The following C16orf96 variants were observed in gnomAD, a reference collection of about 807,000 sequenced individuals.
C16orf96 encodes uncharacterized protein C16orf96.
Under a neutral mutation model 103.6 loss-of-function variants are expected in C16orf96, and 108 were observed. That is an observed-to-expected ratio of 1.04 (90% CI 0.89 to 1.22). The LOEUF (loss-of-function observed/expected upper bound fraction) is 1.22, where lower values mean the gene tolerates loss of function less well. C16orf96 is among the 50% of genes most tolerant of loss of function. C16orf96 has a pLI of 0.00. For missense variants in C16orf96, 1,586 were observed against 1,464.2 expected (o/e 1.08, Z -1.36); for synonymous variants, 566 against 593.5 (o/e 0.95, Z 0.67).
At chr16:4,545,309 T>G in the C16orf96 span, among the ~76,000 whole-genome samples, 1 of 152,024 alleles carries the variant, frequency 6.6e-6, no homozygotes, top group Non-Finnish European at 1.5e-5. Flanking sequence ...TGAGCTCAAG[T>G]GATCCTCCTG....
rs1349940998 is a variant in C16orf96, at chr16:4,592,471, C to G, written c.2774+104C>G. ...GCACCGTTCCATGCACGCTGTGTGT[C>G]TACACATCCATATACAGCATTCTCT... On this transcript the variant is annotated intron_variant, in intron 11 of 15. Coordinates refer to ENST00000444310, the MANE Select transcript of C16orf96 (RefSeq NM_001145011.2). 6.1e-6 allele frequency: 8 copies of G among 1,304,026 alleles called. No homozygotes were observed. The East Asian group carries it at 2.0e-4, about 33-fold the overall frequency. The allele number at this position is 1,304,026 out of a possible 1,614,324, so 80.8% of individuals were successfully genotyped here.
chr16:4,545,306 A>G, the C16orf96 span, among the ~76,000 whole-genome samples: 184 of 152,288 alleles, frequency 1.2e-3, no homozygotes, highest in African/African-American at 4.3e-3. Context: ...TCCTGAGCTC[A>G]AGTGATCCTC....
intron 1 of C16orf96, among the ~76,000 whole-genome samples, chr16:4,565,216 A>G (rs1290656090): frequency 6.6e-6 from 1 of 152,164 alleles, no homozygotes; most frequent in Non-Finnish European, 1.5e-5. Flanking sequence ...CTCGAGGACT[A>G]TGGCATGGGT....
the C16orf96 span, among the ~76,000 whole-genome samples, chr16:4,545,873 A>G: frequency 2.0e-5 from 3 of 151,918 alleles, no homozygotes; most frequent in Non-Finnish European, 2.9e-5. Context: ...TTTTTGAGAC[A>G]GAATCTCGCT....
chr16:4,596,718 A>C (rs889789512), intron 14 of C16orf96, among the ~76,000 whole-genome samples: 8 of 151,946 alleles, frequency 5.3e-5, no homozygotes, highest in African/African-American at 1.9e-4. Flanking sequence ...ACAGAACAGA[A>C]CAAAACCAAA....
intron 14 of C16orf96, 74 bp from the exon 15 acceptor site, chr16:4,599,210 C>A: frequency 7.6e-7 from 1 of 1,321,730 alleles, no homozygotes; most frequent in Non-Finnish European, 1.1e-6. Context: ...GGAGACTGCC[C>A]AGTGCTGGGA....
At chr16:4,597,119 G>A (rs1387955205) in intron 14 of C16orf96, among the ~76,000 whole-genome samples, 1 of 152,106 alleles carries the variant, frequency 6.6e-6, no homozygotes, top group East Asian at 1.9e-4. Context: ...GTTTCCAGGC[G>A]GGCCAGACAC....
chr16:4,562,730 C>T, intron 1 of C16orf96: 1 of 606,200 alleles, frequency 1.6e-6, no homozygotes, highest in Non-Finnish European at 2.7e-6. Context: ...GCTTGGAGAA[C>T]ATTTAGAAAA....
At chr16:4,550,441 G>C in the C16orf96 span, among the ~76,000 whole-genome samples, 2 of 152,118 alleles carry the variant, frequency 1.3e-5, no homozygotes, top group African/African-American at 4.8e-5. Context: ...GGTCCAAGGA[G>C]GTACCTCTCT....
chr16:4,600,498 C>CCT lies in C16orf96; in HGVS notation c.*181_*182insCT. On this transcript the variant is annotated 3_prime_UTR_variant, in exon 16 of 16. Transcript: ENST00000444310. ...AGGCTGAGGCTCATGCGCCCCCCCCCATCCCTACCAAGTCCCCTCCACGTC... is the reference window on the plus strand; with the variant it reads ...AGGCTGAGGCTCATGCGCCCCCCCCCCTATCCCTACCAAGTCCCCTCCACGTC... 1 of 474,542 alleles carries CCT rather than the reference C, an allele frequency of 2.1e-6. No homozygotes were observed. Among genetic ancestry groups the CCT allele is most frequent in the Admixed American group, 3.8e-5 (1 of 26,338 alleles). 29.4% of individuals were successfully genotyped at this position (474,542 alleles called of 1,614,324 possible).
chr16:4,573,514 A>T (rs551133499), intron 2 of C16orf96, among the ~76,000 whole-genome samples: 1 of 146,674 alleles, frequency 6.8e-6, no homozygotes, highest in East Asian at 2.1e-4. Context: ...GCATTTTGGG[A>T]GGCTGAGGTG....
chr16:4,589,785 TC>T (rs1433483094), intron 9 of C16orf96, among the ~76,000 whole-genome samples: 1 of 152,130 alleles, frequency 6.6e-6, no homozygotes, highest in Non-Finnish European at 1.5e-5. Context: ...GTTATCACAC[TC>T]AAATATTTAT....
chr16:4,556,171 T>C (rs2141685318), upstream of C16orf96, among the ~76,000 whole-genome samples: 1 of 152,290 alleles, frequency 6.6e-6, no homozygotes, highest in African/African-American at 2.4e-5. Flanking sequence ...AGGGCTTGAA[T>C]GAAGAGGCTG....
chr16:4,575,009 C>G lies in C16orf96; in HGVS notation c.644C>G (p.Thr215Ser). The G allele has an allele frequency of 6.4e-7, 1 of 1,551,512 alleles. No homozygotes were observed. The highest frequency in any genetic ancestry group is 1.2e-5 in the South Asian group (1 of 84,066). ...LQNKFKTIPKTEDMVLWSGLH... is the reference protein window; with the variant it reads ...LQNKFKTIPKSEDMVLWSGLH... Reference sequence around the variant, plus strand: ...AATAAGTTTAAAACCATCCCCAAAACCGAGGACATGGTGCTCTGGAGTGGC... The same window carrying G: ...AATAAGTTTAAAACCATCCCCAAAAGCGAGGACATGGTGCTCTGGAGTGGC... Residue 215 changes from threonine to serine, a missense_variant, in exon 4 of 16, where the codon ACC becomes AGC. Thr to Ser is a moderately conservative substitution (Grantham distance 58). Coordinates refer to ENST00000444310, the MANE Select transcript of C16orf96 (RefSeq NM_001145011.2).
rs1015762880 is a variant in C16orf96, at chr16:4,575,901, G to A, written c.1421G>A (p.Arg474His). 1.2e-5 allele frequency: 18 copies of A among 1,551,560 alleles called. No individual in the cohort carries two copies. Among genetic ancestry groups the A allele is most frequent in the East Asian group, 2.4e-5 (1 of 40,904 alleles). Residue 474 changes from arginine to histidine, a missense_variant, in exon 5 of 16, where the codon CGC becomes CAC. Arg to His is a conservative substitution (Grantham distance 29). Coordinates refer to ENST00000444310, the MANE Select transcript of C16orf96 (RefSeq NM_001145011.2). ...CTAAGGGGCCTTCGGGAGAGGGCCCGCAAGGATGGGGCCCCCAAGGATAGA... is the reference window on the plus strand; with the variant it reads ...CTAAGGGGCCTTCGGGAGAGGGCCCACAAGGATGGGGCCCCCAAGGATAGA... ...PSLRGLRERA[R>H]KDGAPKDRTR... is the part of the protein sequence containing the mutation.
chr16:4,599,154 A>G (rs1375276483), intron 14 of C16orf96, 130 bp from the exon 15 acceptor site: 2 of 722,950 alleles, frequency 2.8e-6, no homozygotes, highest in Non-Finnish European at 4.7e-6. Context: ...TATCCCATAA[A>G]GGAATGGACC....
At chr16:4,582,672 G>A (rs1231491853) in intron 7 of C16orf96, among the ~76,000 whole-genome samples, 2 of 152,082 alleles carry the variant, frequency 1.3e-5, no homozygotes, top group Non-Finnish European at 2.9e-5. Flanking sequence ...CCTCTTCAGA[G>A]AGACCCAGGC....
At chr16:4,565,096 C>T (rs922010581) in intron 1 of C16orf96, among the ~76,000 whole-genome samples, 2 of 152,124 alleles carry the variant, frequency 1.3e-5, no homozygotes, top group Non-Finnish European at 2.9e-5. Flanking sequence ...TTTGCCTTAG[C>T]CCCTTTTTCA....
chr16:4,579,144 G>C (rs2059550909), intron 6 of C16orf96, 119 bp downstream of exon 6: 1 of 913,994 alleles, frequency 1.1e-6, no homozygotes, highest in East Asian at 2.7e-5. Context: ...AACAGGCTGG[G>C]GGAAAGCGAG....
Sources: gnomAD v4.1 joint callset for allele counts (sites outside exome capture counted in the v4.1 genomes callset) on GRCh38, gnomAD v4.1.1 for gene constraint, MANE v1.5 for transcripts, NCBI Gene and HGNC (gene_info 2026-07-23, HGNC 2026-07-21) for gene names.